The following VAV3 variants were observed in gnomAD, a reference collection of about 807,000 sequenced individuals.
VAV3 encodes vav guanine nucleotide exchange factor 3, also known as guanine nucleotide exchange factor VAV3.
Under a neutral mutation model 131.2 loss-of-function variants are expected in VAV3, and 94 were observed. That is an observed-to-expected ratio of 0.72 (90% confidence interval 0.61 to 0.85). VAV3 has a LOEUF of 0.85. VAV3 is among the 40% of genes least tolerant of loss of function. The pLI is 0.00. For synonymous variants in VAV3, 349 were observed against 342.0 expected (o/e 1.02, Z -0.22); for missense variants, 939 against 1,002.7 (o/e 0.94, Z 0.86).
intron 2 of VAV3, chr1:107,862,633 A>T (rs534522924): frequency 6.6e-6 from 1 of 151,570 alleles, no homozygotes; most frequent in Non-Finnish European, 1.5e-5. Context: ...TATTGTAAGC[A>T]AATGAAGACT....
chr1:107,780,024 A>G (rs78287223), intron 2 of VAV3, among the ~76,000 whole-genome samples: 12,491 of 152,284 alleles, frequency 0.082, 792 homozygotes, highest in East Asian at 0.28. Context: ...TCTATTGGAC[A>G]GTCCTGCTAT....
At chr1:107,727,001 A>G (rs1040048835) in intron 15 of VAV3, among the ~76,000 whole-genome samples, 11 of 152,252 alleles carry the variant, frequency 7.2e-5, no homozygotes, top group African/African-American at 2.7e-4. Context: ...TAAAAAAAGA[A>G]TAAGCCCAAG....
intron 6 of VAV3, among the ~76,000 whole-genome samples, chr1:107,769,166 C>T (rs114811680): frequency 7.2e-5 from 11 of 152,234 alleles, no homozygotes; most frequent in Non-Finnish European, 1.6e-4. Flanking sequence ...ACCATCCCAC[C>T]TCCATCATAT....
chr1:107,883,463 A>T (rs779560936), intron 1 of VAV3, among the ~76,000 whole-genome samples: 2 of 152,242 alleles, frequency 1.3e-5, no homozygotes, highest in Non-Finnish European at 2.9e-5. Flanking sequence ...AGGAAAAATT[A>T]AATGCAACGA....
chr1:107,725,791 G>A (rs1484742418), intron 15 of VAV3, among the ~76,000 whole-genome samples: 1 of 152,148 alleles, frequency 6.6e-6, no homozygotes, highest in Non-Finnish European at 1.5e-5. Context: ...GGGATTACAG[G>A]TGTGAGCCAC....
At chr1:107,825,784 C>G (rs537963901) in intron 2 of VAV3, among the ~76,000 whole-genome samples, 1 of 152,264 alleles carries the variant, frequency 6.6e-6, no homozygotes, top group East Asian at 1.9e-4. Context: ...GAATTTCTTC[C>G]TGCTTATTCA....
chr1:107,676,180 T>A lies in VAV3; in HGVS notation c.1777+7308A>T, dbSNP rs552700731. 8.8e-4 allele frequency among the ~76,000 whole-genome samples: 134 copies of A among 152,258 alleles called. 1 individual carries two copies. Among genetic ancestry groups the A allele is most frequent in the Non-Finnish European group, 1.5e-3 (104 of 68,000 alleles). On this transcript the variant is annotated intron_variant, in intron 19 of 26. Coordinates refer to ENST00000370056, the MANE Select transcript of VAV3 (RefSeq NM_006113.5). Reference sequence around the variant, plus strand: ...TGTAAACAGAATTATAGAAAAAAAATTCCATGTGGACAAGCTAGTTCAATC... The same window carrying A: ...TGTAAACAGAATTATAGAAAAAAAAATCCATGTGGACAAGCTAGTTCAATC...
At chr1:107,707,957 T>C (rs1188972568) in intron 15 of VAV3, among the ~76,000 whole-genome samples, 4 of 152,222 alleles carry the variant, frequency 2.6e-5, no homozygotes, top group Non-Finnish European at 5.9e-5. Flanking sequence ...ACCAGATACA[T>C]CACTAGGCTC....
chr1:107,641,824 T>A (rs1655361655), intron 20 of VAV3, among the ~76,000 whole-genome samples: 1 of 152,110 alleles, frequency 6.6e-6, no homozygotes, highest in African/African-American at 2.4e-5. Flanking sequence ...AATGCTCTGG[T>A]AAAGTAGGAA....
chr1:107,792,100 A>G (rs1458018507), intron 2 of VAV3, among the ~76,000 whole-genome samples: 4 of 152,234 alleles, frequency 2.6e-5, no homozygotes, highest in Admixed American at 2.0e-4. Flanking sequence ...AAGTACTTCA[A>G]TAGCTAACAT....
intron 2 of VAV3, among the ~76,000 whole-genome samples, chr1:107,798,923 T>C (rs1267357000): frequency 6.6e-6 from 1 of 152,078 alleles, no homozygotes; most frequent in Non-Finnish European, 1.5e-5. Context: ...TTTAGAGTTG[T>C]ACAACAAGCA....
At position 107,777,284 on chromosome 1, in the gene VAV3, T is replaced by C. The variant is rs201306494; in HGVS notation, c.393A>G (p.Thr131=). 1 of 1,614,044 alleles carries C rather than the reference T, an allele frequency of 6.2e-7. No homozygotes were observed. Among genetic ancestry groups the C allele is most frequent in the Non-Finnish European group, 8.5e-7 (1 of 1,179,980 alleles). Residue 131 remains threonine, a synonymous_variant, in exon 4 of 27, where the codon ACA becomes ACG. Transcript: ENST00000370056. ...ALATGIRPFP[T]EESINDEDIY... ...TGTCTTCATCATTAATGCTTTCTTC[T>C]GTTGGGAAGGGCCTAGGAAGAGGAG...
At chr1:107,784,623 C>A (rs1364519079) in intron 2 of VAV3, among the ~76,000 whole-genome samples, 2 of 152,196 alleles carry the variant, frequency 1.3e-5, no homozygotes, top group Non-Finnish European at 2.9e-5. Flanking sequence ...TGCCAGTGAT[C>A]TGTTCATTGG....
intron 2 of VAV3, among the ~76,000 whole-genome samples, chr1:107,815,121 G>A (rs76134821): frequency 0.093 from 14,182 of 152,174 alleles, 841 homozygotes; most frequent in East Asian, 0.25. Context: ...AGTATCTGTC[G>A]TTCACTTCGG....
intron 5 of VAV3, among the ~76,000 whole-genome samples, 177 bp downstream of exon 5, chr1:107,772,553 GTTGTT>G (rs1665107515): frequency 6.6e-6 from 1 of 151,898 alleles, no homozygotes; most frequent in Non-Finnish European, 1.5e-5. Flanking sequence ...ATTCCCTATG[GTTGTT>G]TTGAACTCTG....
chr1:107,785,493 G>T (rs377205195), intron 2 of VAV3: 1 of 1,320,540 alleles, frequency 7.6e-7, no homozygotes, highest in Non-Finnish European at 1.0e-6. Flanking sequence ...TCAGGCAGCT[G>T]CATGCTAGAG....
chr1:107,902,744 A>T (rs1671923003), intron 1 of VAV3, among the ~76,000 whole-genome samples: 1 of 152,172 alleles, frequency 6.6e-6, no homozygotes, highest in South Asian at 2.1e-4. Flanking sequence ...GAGGGGAAGG[A>T]GAGCGAAGGC....
chr1:107,961,531 T>G (rs1243712857), intron 1 of VAV3, among the ~76,000 whole-genome samples: 1 of 152,182 alleles, frequency 6.6e-6, no homozygotes, highest in Non-Finnish European at 1.5e-5. Flanking sequence ...ACCAAATTTC[T>G]TAGATATTCA....
intron 19 of VAV3, among the ~76,000 whole-genome samples, chr1:107,676,685 A>G (rs981525094): frequency 2.6e-5 from 4 of 152,122 alleles, no homozygotes; most frequent in African/African-American, 9.7e-5. Context: ...AATTGAACTG[A>G]CCCAAACCTA....
Sources: allele counts gnomAD v4.1 joint callset (sites outside exome capture counted in the v4.1 genomes callset), GRCh38; gene constraint gnomAD v4.1.1; transcripts MANE v1.5; gene names NCBI Gene and HGNC (gene_info 2026-07-23, HGNC 2026-07-21).